The following CECR2 variants were observed in gnomAD, a reference collection of about 807,000 sequenced individuals.
The protein encoded by CECR2 is CECR2 histone acetyl-lysine reader.
A neutral mutation model predicts 154.5 loss-of-function variants in CECR2; 30 were observed. The ratio of observed to expected loss-of-function variants is 0.19; its 90% CI spans 0.15 to 0.26. The LOEUF (loss-of-function observed/expected upper bound fraction) is 0.26. Ranked by LOEUF, CECR2 falls within the 10% of genes least tolerant of loss-of-function variation. The pLI, the probability that CECR2 is intolerant of heterozygous loss-of-function variation, is 1.00. For synonymous variants in CECR2, 725 were observed against 683.7 expected, an observed-to-expected ratio of 1.06 and a Z score of -0.94; for missense variants, 1,743 against 1,829.3, an observed-to-expected ratio of 0.95 and a Z score of 0.86.
chr22:17,467,869 G>A (rs934734936), intron 1 of CECR2, among the ~76,000 whole-genome samples: 2 of 152,152 alleles, frequency 1.3e-5, no homozygotes, highest in East Asian at 3.8e-4. Context: ...CTACCCCATG[G>A]GTCATCAGAA....
chr22:17,486,763 T>G (rs2055428164), intron 2 of CECR2, among the ~76,000 whole-genome samples: 1 of 152,208 alleles, frequency 6.6e-6, no homozygotes, highest in Non-Finnish European at 1.5e-5. Context: ...AAGTGAAAGC[T>G]TATCGCAATT....
chr22:17,547,061 A>G lies in CECR2; in HGVS notation c.2861-1087A>G, dbSNP rs1258638110. On this transcript the variant is annotated intron_variant, in intron 16 of 18. Coordinates refer to ENST00000262608, the MANE Select transcript of CECR2 (RefSeq NM_001290047.2). ...CTCAAAAAAAAAAAAAAAAAAAAAG[A>G]TTATTTTATATAGATATATACACAC... Among the ~76,000 whole-genome samples, 3 of 147,288 alleles carry G rather than the reference A, an allele frequency of 2.0e-5. 1 individual carries two copies. Among genetic ancestry groups the G allele is most frequent in the Non-Finnish European group, 3.0e-5 (2 of 66,902 alleles).
intron 2 of CECR2, among the ~76,000 whole-genome samples, chr22:17,487,443 T>C (rs1433129365): frequency 6.6e-6 from 1 of 152,204 alleles, no homozygotes; most frequent in Non-Finnish European, 1.5e-5. Context: ...CTCATGCCTG[T>C]AATCCCAGCA....
intron 1 of CECR2, among the ~76,000 whole-genome samples, chr22:17,396,112 C>T (rs1287772921): frequency 1.3e-5 from 2 of 150,078 alleles, no homozygotes; most frequent in Admixed American, 6.7e-5. Flanking sequence ...TGTGGTGGTG[C>T]GTTACTGCAG....
intron 9 of CECR2, chr22:17,524,479 A>C (rs1466275660): frequency 2.2e-6 from 1 of 464,440 alleles, no homozygotes; most frequent in Non-Finnish European, 3.5e-6. Context: ...TGCAAGCTTC[A>C]CCTCCCGGGT....
intron 2 of CECR2, among the ~76,000 whole-genome samples, chr22:17,479,265 G>A (rs2055264053): frequency 6.6e-6 from 1 of 152,194 alleles, no homozygotes; most frequent in South Asian, 2.1e-4. Flanking sequence ...TTGTATTTTA[G>A]CCTTAAATGA....
At chr22:17,367,618 C>T (rs773707996), upstream of CECR2, among the ~76,000 whole-genome samples, 30 of 152,158 alleles carry the variant, frequency 2.0e-4, no homozygotes, top group Non-Finnish European at 4.0e-4. Flanking sequence ...AACTCCTGAC[C>T]TAAGGTGAAC....
intron 1 of CECR2, among the ~76,000 whole-genome samples, chr22:17,403,888 A>G (rs1039137474): frequency 2.6e-5 from 4 of 152,134 alleles, no homozygotes; most frequent in African/African-American, 9.7e-5. Flanking sequence ...TAATTTGCAT[A>G]TGATATAAAG....
In CECR2 at chr22:17,415,917, T is replaced by C. The variant is rs180873323; in HGVS notation, c.126+46008T>C. Among the ~76,000 whole-genome samples, 17 of 152,344 alleles carry C rather than the reference T, an allele frequency of 1.1e-4. 1 individual carries two copies. The East Asian group carries it at 3.3e-3, about 29-fold the overall frequency. ...CAACACACCTTTCTCTTAGATTTAA[T>C]TTTTTGTTCACTGGAGATTTGAGGG... On this transcript the variant is annotated intron_variant, in intron 1 of 18. Transcript: ENST00000262608.
intron 1 of CECR2, among the ~76,000 whole-genome samples, chr22:17,423,722 G>A (rs2054291113): frequency 6.6e-6 from 1 of 152,126 alleles, no homozygotes; most frequent in African/African-American, 2.4e-5. Flanking sequence ...TCACCCTGAG[G>A]CACTGGTTCC....
At chr22:17,404,119 CGT>C (rs1480113388) in intron 1 of CECR2, among the ~76,000 whole-genome samples, 1 of 151,164 alleles carries the variant, frequency 6.6e-6, no homozygotes, top group East Asian at 2.0e-4. Context: ...ATTAGCCGGG[CGT>C]CATGTTGCAC....
chr22:17,389,621 C>T (rs2063304878), intron 1 of CECR2, among the ~76,000 whole-genome samples: 1 of 151,628 alleles, frequency 6.6e-6, no homozygotes, highest in Non-Finnish European at 1.5e-5. Context: ...CGGGGATATT[C>T]TTTTTTATTT....
chr22:17,443,918 GCCGTA>G (rs1222767571), intron 1 of CECR2, among the ~76,000 whole-genome samples: 2 of 152,130 alleles, frequency 1.3e-5, no homozygotes, highest in East Asian at 3.9e-4. Context: ...AAGTAATTTA[GCCGTA>G]CCGTAAACAA....
chr22:17,437,093 C>CAA (rs1396402269), intron 1 of CECR2, among the ~76,000 whole-genome samples: 1 of 152,122 alleles, frequency 6.6e-6, no homozygotes, highest in African/African-American at 2.4e-5. Flanking sequence ...CTGCAGCTCT[C>CAA]AGAGATGCTG....
In CECR2 at chr22:17,523,761, A is replaced by C. The variant is rs1053523841; in HGVS notation, c.955-357A>C. On this transcript the variant is annotated intron_variant, in intron 8 of 18. Coordinates refer to ENST00000262608, the MANE Select transcript of CECR2 (RefSeq NM_001290047.2). ...ACAGAGCGAGACTCTATCTCAAAAA[A>C]AAAAAAAAAAAAAAGAAAAAAAAGC... Among the ~76,000 whole-genome samples the C allele has an allele frequency of 3.9e-3, 533 of 135,106 alleles. 6 individuals are homozygous for C. The highest frequency in any genetic ancestry group is 0.032 in the East Asian group (167 of 5,146). The allele number at this position is 135,106 out of a possible 152,430, so 88.6% of individuals were successfully genotyped here. A position where few individuals can be genotyped will look rare whatever the true frequency, so the allele number is the denominator to read the frequency against.
At chr22:17,441,264 A>G (rs973528812) in intron 1 of CECR2, among the ~76,000 whole-genome samples, 4 of 152,068 alleles carry the variant, frequency 2.6e-5, no homozygotes, top group Non-Finnish European at 4.4e-5. Flanking sequence ...AACACATTAA[A>G]ATGATGCGTG....
chr22:17,387,156 C>G (rs2063272900), intron 1 of CECR2, among the ~76,000 whole-genome samples: 1 of 152,146 alleles, frequency 6.6e-6, no homozygotes, highest in Non-Finnish European at 1.5e-5. Flanking sequence ...TGTTTAATAA[C>G]AGGTTCCCCA....
chr22:17,368,406 C>CT (rs1230854692), upstream of CECR2, among the ~76,000 whole-genome samples: 1 of 152,200 alleles, frequency 6.6e-6, no homozygotes, highest in East Asian at 1.9e-4. Context: ...AGGCGGCCCT[C>CT]TGAGACCAGC....
intron 1 of CECR2, among the ~76,000 whole-genome samples, chr22:17,401,679 G>A (rs568851962): frequency 6.6e-6 from 1 of 152,282 alleles, no homozygotes; most frequent in South Asian, 2.1e-4. Context: ...TACTATGCCA[G>A]TTGAGGGATA....
Sources: gnomAD v4.1 joint callset for allele counts (sites outside exome capture counted in the v4.1 genomes callset) on GRCh38, gnomAD v4.1.1 for gene constraint, MANE v1.5 for transcripts, NCBI Gene and HGNC (gene_info 2026-07-23, HGNC 2026-07-21) for gene names.